The following KIAA0232 variants were observed in gnomAD, a reference collection of about 807,000 sequenced individuals.
The protein encoded by KIAA0232 is KIAA0232.
Under a neutral mutation model 122.0 loss-of-function variants are expected in KIAA0232, and 27 were observed. The observed-to-expected ratio is 0.22, with a 90% CI of 0.16 to 0.31. The LOEUF is 0.31. Ranked by LOEUF, KIAA0232 falls within the 10% of genes least tolerant of loss-of-function variation. The probability of loss-of-function intolerance (pLI) is 1.00; values close to 1 mark genes in which losing one functional copy is unlikely to be tolerated. For synonymous variants in KIAA0232, 613 were observed against 587.6 expected, an observed-to-expected ratio of 1.04 and a Z score of -0.63; for missense variants, 1,551 against 1,634.2, an observed-to-expected ratio of 0.95 and a Z score of 0.88.
Position 6,862,268 on chromosome 4 carries a change from C to A in KIAA0232, c.1886C>A (p.Ala629Asp). 6.2e-7 allele frequency: 1 copy of A among 1,614,184 alleles called. No homozygotes were observed. Residue 629 changes from alanine to aspartate, a missense_variant, in exon 7 of 10, where the codon GCT (alanine) becomes GAT (aspartate). Coordinates refer to ENST00000307659, the MANE Select transcript of KIAA0232 (RefSeq NM_014743.3). ...DSTVLNSHLL[A>D]GNQELFSDIN... is the part of the protein sequence containing the mutation. The stretch of plus-strand genomic sequence containing the variant: ...ACAGTGCTCAATTCACACCTGCTTG[C>A]TGGCAATCAAGAGCTCTTTTCAGAT...
At chr4:6,830,495 C>T (rs903473888) in intron 3 of KIAA0232, among the ~76,000 whole-genome samples, 2 of 150,602 alleles carry the variant, frequency 1.3e-5, no homozygotes, top group Admixed American at 6.6e-5. Flanking sequence ...GCAGCCTCTG[C>T]CTCCTGGGTT....
At chr4:6,845,385 A>G (rs1170679306) in intron 4 of KIAA0232, among the ~76,000 whole-genome samples, 1 of 152,106 alleles carries the variant, frequency 6.6e-6, no homozygotes, top group African/African-American at 2.4e-5. Context: ...ATACAGGGAC[A>G]GGGTCTCCCT....
At chr4:6,830,369 A>T (rs1718901094) in intron 3 of KIAA0232, among the ~76,000 whole-genome samples, 2 of 150,034 alleles carry the variant, frequency 1.3e-5, no homozygotes, top group African/African-American at 4.9e-5. Flanking sequence ...CAGTAAAATC[A>T]GTGCCCCGTC....
At chr4:6,807,260 G>C (rs948721093) in intron 2 of KIAA0232, among the ~76,000 whole-genome samples, 3 of 152,126 alleles carry the variant, frequency 2.0e-5, no homozygotes, top group Non-Finnish European at 4.4e-5. Flanking sequence ...TTACAGGCTT[G>C]CAATTTATGA....
At position 6,817,530 on chromosome 4, in the gene KIAA0232, A is replaced by G. The variant is rs192623834; in HGVS notation, c.-269-6655A>G. Among the ~76,000 whole-genome samples, 95 of 152,242 alleles carry G rather than the reference A, an allele frequency of 6.2e-4. No homozygotes were observed. The East Asian group carries it at 0.016, about 26-fold the overall frequency. ...GTGCCTAGCCTCCCCTATTGTTTAG[A>G]AATATGTTTTTAGTTCTCAAATGTT... On this transcript the variant is annotated intron_variant, in intron 2 of 9. Transcript: ENST00000307659.
intron 7 of KIAA0232, among the ~76,000 whole-genome samples, chr4:6,866,548 A>G (rs746018327): frequency 6.6e-5 from 10 of 152,182 alleles, no homozygotes; most frequent in Non-Finnish European, 1.3e-4. Flanking sequence ...TCAGTCTGAA[A>G]GGTGCTTTTA....
chr4:6,868,390 A>G (rs769571108), intron 7 of KIAA0232, among the ~76,000 whole-genome samples: 13 of 152,230 alleles, frequency 8.5e-5, no homozygotes, highest in Admixed American at 2.0e-4. Flanking sequence ...GGAGCTGACA[A>G]TAAACATGTT....
intron 4 of KIAA0232, among the ~76,000 whole-genome samples, chr4:6,852,321 C>T (rs1353557257): frequency 1.3e-5 from 2 of 152,024 alleles, no homozygotes; most frequent in Non-Finnish European, 2.9e-5. Context: ...AGTTTGTGAC[C>T]CCTGGCACAT....
intron 2 of KIAA0232, among the ~76,000 whole-genome samples, chr4:6,811,888 T>C (rs1717897750): frequency 6.6e-6 from 1 of 152,016 alleles, no homozygotes; most frequent in African/African-American, 2.4e-5. Context: ...CTAATTATTC[T>C]CAGTTCTCTC....
At chr4:6,831,751 G>A (rs1718994005) in intron 3 of KIAA0232, among the ~76,000 whole-genome samples, 2 of 152,176 alleles carry the variant, frequency 1.3e-5, no homozygotes, top group Admixed American at 1.3e-4. Context: ...CCAGCAGAGT[G>A]CCCTCTGCTT....
chr4:6,860,833 T>A, intron 6 of KIAA0232, 68 bp from the exon 7 acceptor site: 2 of 1,296,248 alleles, frequency 1.5e-6, no homozygotes, highest in Non-Finnish European at 2.2e-6. Flanking sequence ...TTCTGGTTGG[T>A]AATGTTGTTT....
At chr4:6,859,040 GTGAGC>G (rs1239454992) in intron 6 of KIAA0232, among the ~76,000 whole-genome samples, 2 of 148,568 alleles carry the variant, frequency 1.3e-5, no homozygotes, top group East Asian at 4.0e-4. Flanking sequence ...AGAGGTTGCA[GTGAGC>G]TGAGACTGTG....
chr4:6,837,605 G>A (rs1271359381), intron 3 of KIAA0232, among the ~76,000 whole-genome samples: 4 of 152,234 alleles, frequency 2.6e-5, no homozygotes, highest in Non-Finnish European at 5.9e-5. Context: ...TCACGCCACT[G>A]CATTCCAGCC....
intron 8 of KIAA0232, among the ~76,000 whole-genome samples, chr4:6,872,463 T>G (rs1440720890): frequency 1.3e-5 from 2 of 152,122 alleles, no homozygotes; most frequent in African/African-American, 2.4e-5. Context: ...GATTTTAGTT[T>G]AGGGTATTTT....
chr4:6,797,345 C>A (rs371089467), intron 1 of KIAA0232, among the ~76,000 whole-genome samples: 26 of 152,334 alleles, frequency 1.7e-4, no homozygotes, highest in African/African-American at 6.0e-4. Flanking sequence ...TCTTGAGGTT[C>A]AGGCCTGTCA....
At chr4:6,847,042 A>T (rs1160843058) in intron 4 of KIAA0232, among the ~76,000 whole-genome samples, 1 of 152,180 alleles carries the variant, frequency 6.6e-6, no homozygotes, top group Non-Finnish European at 1.5e-5. Context: ...GTAGATTAAA[A>T]TGCTAATGGC....
intron 3 of KIAA0232, among the ~76,000 whole-genome samples, chr4:6,831,198 G>A (rs963779946): frequency 2.6e-5 from 4 of 152,226 alleles, no homozygotes; most frequent in African/African-American, 9.6e-5. Context: ...TGGGATTACA[G>A]GTGCGCGCCA....
At chr4:6,853,527 C>T (rs1276013071) in intron 4 of KIAA0232, among the ~76,000 whole-genome samples, 1 of 152,166 alleles carries the variant, frequency 6.6e-6, no homozygotes, top group African/African-American at 2.4e-5. Flanking sequence ...ATCTCTTTGA[C>T]TCCATTGAGC....
intron 3 of KIAA0232, among the ~76,000 whole-genome samples, chr4:6,831,151 G>A (rs1030519199): frequency 6.6e-6 from 1 of 151,994 alleles, no homozygotes; most frequent in Non-Finnish European, 1.5e-5. Flanking sequence ...CACCTCCCAG[G>A]TTCAAGCGAT....
Sources: gnomAD v4.1 joint callset for allele counts (sites outside exome capture counted in the v4.1 genomes callset) on GRCh38, gnomAD v4.1.1 for gene constraint, MANE v1.5 for transcripts, NCBI Gene and HGNC (gene_info 2026-07-23, HGNC 2026-07-21) for gene names.